SUGCT: variants seen among roughly 807,000 people sequenced by gnomAD.
The protein encoded by SUGCT is succinyl-CoA:glutarate CoA-transferase.
Under a neutral mutation model 55.0 loss-of-function variants are expected in SUGCT, and 41 were observed. The observed-to-expected ratio is 0.74, with a 90% confidence interval of 0.58 to 0.97. The LOEUF is 0.97. SUGCT is among the 50% of genes least tolerant of loss of function. SUGCT has a pLI of 0.00. For synonymous variants in SUGCT, 187 were observed against 200.4 expected (o/e 0.93, Z 0.56); for missense variants, 568 against 547.8 (o/e 1.04, Z -0.37).
chr7:40,459,082 A>G lies in SUGCT; in HGVS notation c.889-19A>G. On this transcript the variant is annotated intron_variant, in intron 10 of 13. Coordinates refer to ENST00000335693, the MANE Select transcript of SUGCT (RefSeq NM_001193313.2). ...GAACTACCTATTTCTTATACTGGAA[A>G]ATTATTTTTTTCTTTTAGATCTTGG... 1 of 1,556,134 alleles carries G rather than the reference A, an allele frequency of 6.4e-7. No individual in the cohort carries two copies. Among genetic ancestry groups the G allele is most frequent in the Non-Finnish European group, 8.8e-7 (1 of 1,130,832 alleles).
At chr7:40,670,800 A>T (rs1165804976) in intron 12 of SUGCT, among the ~76,000 whole-genome samples, 1 of 152,044 alleles carries the variant, frequency 6.6e-6, no homozygotes, top group Non-Finnish European at 1.5e-5. Context: ...CCCAAAAGAA[A>T]CCTTCAAGCC....
chr7:40,822,869 C>T (rs1792100644), intron 13 of SUGCT, among the ~76,000 whole-genome samples: 1 of 152,034 alleles, frequency 6.6e-6, no homozygotes, highest in Admixed American at 6.6e-5. Flanking sequence ...GCTAGAAACA[C>T]AAGTTAGGAA....
At chr7:40,146,825 C>A (rs1160389341) in intron 1 of SUGCT, among the ~76,000 whole-genome samples, 2 of 152,176 alleles carry the variant, frequency 1.3e-5, no homozygotes, top group Non-Finnish European at 2.9e-5. Context: ...TCCCAACAGA[C>A]AACAAGGTGG....
chr7:40,210,458 G>A (rs116565159), intron 6 of SUGCT, among the ~76,000 whole-genome samples: 2,650 of 151,444 alleles, frequency 0.017, 73 homozygotes, highest in African/African-American at 0.062. Context: ...GCATATATAT[G>A]TGTGTGTGTG....
At position 40,682,745 on chromosome 7, in the gene SUGCT, C is replaced by A. The variant is rs370737585; in HGVS notation, c.1090-66689C>A. ...CCTCCCCACCCCCCAAAAAAATCCA[C>A]CTACTTTCTCTGGGAAGAAGGAGAA... On this transcript the variant is annotated intron_variant, in intron 12 of 13. Transcript: ENST00000335693. Among the ~76,000 whole-genome samples, 273 of 150,466 alleles carry A rather than the reference C, an allele frequency of 1.8e-3. 14 individuals are homozygous for A. The South Asian group carries it at 0.056, about 31-fold the overall frequency.
intron 12 of SUGCT, among the ~76,000 whole-genome samples, chr7:40,563,504 G>C (rs1042228446): frequency 1.3e-5 from 2 of 150,358 alleles, no homozygotes; most frequent in Non-Finnish European, 2.9e-5. Context: ...CCAGGAGTTT[G>C]AGACCAGCCT....
chr7:40,324,248 A>ATATATATATATAT (rs1562681083), intron 9 of SUGCT, among the ~76,000 whole-genome samples: 17 of 111,078 alleles, frequency 1.5e-4, no homozygotes, highest in African/African-American at 5.8e-4. Context: ...TAAATAAATA[A>ATATATATATATAT]ATAAATATAT....
At chr7:40,150,347 C>G (rs1410549622) in intron 1 of SUGCT, among the ~76,000 whole-genome samples, 1 of 152,158 alleles carries the variant, frequency 6.6e-6, no homozygotes, top group East Asian at 1.9e-4. Context: ...ACTGGCTCCC[C>G]CAGTCCTCAC....
At chr7:40,952,051 G>A in the SUGCT span, among the ~76,000 whole-genome samples, 1 of 152,138 alleles carries the variant, frequency 6.6e-6, no homozygotes, top group East Asian at 1.9e-4. Context: ...TTGGCAGTGG[G>A]GTGTTAAAGT....
At chr7:40,694,176 A>G (rs1433860780) in intron 12 of SUGCT, among the ~76,000 whole-genome samples, 1 of 152,210 alleles carries the variant, frequency 6.6e-6, no homozygotes, top group Non-Finnish European at 1.5e-5. Context: ...AGTTTCTGTC[A>G]AAGGCCCCAA....
At chr7:40,385,371 G>A (rs1297069255) in intron 9 of SUGCT, among the ~76,000 whole-genome samples, 1 of 152,126 alleles carries the variant, frequency 6.6e-6, no homozygotes, top group Non-Finnish European at 1.5e-5. Flanking sequence ...GCTGTAAAAT[G>A]GGGAAAATTA....
At position 40,860,388 on chromosome 7, in the gene SUGCT, C is replaced by T. The variant is rs192063213; in HGVS notation, c.1226C>T (p.Thr409Met). 6,853 of 1,614,006 alleles carry T rather than the reference C, an allele frequency of 4.2e-3. 54 individuals carry two copies. The highest frequency in any genetic ancestry group is 4.2e-3 in the South Asian group (380 of 91,088). ...RPPPLLGQHT[T>M]HILKEVLRYD... The stretch of plus-strand genomic sequence containing the variant: ...CCCCCGCTGCTCGGGCAGCACACAA[C>T]GCACATCCTGAAGGAGGTCCTGAGA... Residue 409 changes from threonine to methionine, a missense_variant, in exon 14 of 14, where the codon ACG becomes ATG. Thr to Met is a moderately conservative substitution (Grantham distance 81). Coordinates refer to ENST00000335693, the MANE Select transcript of SUGCT (RefSeq NM_001193313.2).
intron 12 of SUGCT, among the ~76,000 whole-genome samples, chr7:40,642,712 A>G (rs975657889): frequency 6.6e-6 from 1 of 152,210 alleles, no homozygotes; most frequent in Non-Finnish European, 1.5e-5. Context: ...TTTATGATTT[A>G]CAAAAACATG....
At chr7:40,359,344 A>G (rs1798037949) in intron 9 of SUGCT, among the ~76,000 whole-genome samples, 1 of 152,138 alleles carries the variant, frequency 6.6e-6, no homozygotes, top group African/African-American at 2.4e-5. Context: ...AGCTGGGATT[A>G]CAGACATGTG....
intron 12 of SUGCT, among the ~76,000 whole-genome samples, chr7:40,742,151 G>C (rs1787493542): frequency 6.6e-6 from 1 of 152,070 alleles, no homozygotes; most frequent in African/African-American, 2.4e-5. Context: ...TTATATATGT[G>C]TTTGTGTAAA....
At chr7:40,514,680 G>A (rs1215561413) in intron 12 of SUGCT, among the ~76,000 whole-genome samples, 5 of 146,956 alleles carry the variant, frequency 3.4e-5, no homozygotes, top group Non-Finnish European at 7.4e-5. Context: ...ATTGCACTGC[G>A]GCCTGGGCAA....
chr7:40,228,511 T>TG (rs1491398725), intron 6 of SUGCT, among the ~76,000 whole-genome samples: 3 of 152,000 alleles, frequency 2.0e-5, no homozygotes, highest in African/African-American at 7.3e-5. Flanking sequence ...TGTGTGTGTG[T>TG]TTTTGTTGTT....
chr7:41,001,961 C>A, the SUGCT span, among the ~76,000 whole-genome samples: 1 of 152,176 alleles, frequency 6.6e-6, no homozygotes. Context: ...TTTGAAAAGA[C>A]AAGAGTGCAT....
At chr7:40,955,154 G>C in the SUGCT span, among the ~76,000 whole-genome samples, 1 of 152,176 alleles carries the variant, frequency 6.6e-6, no homozygotes, top group Non-Finnish European at 1.5e-5. Context: ...ATTTAAAGTA[G>C]TTTTTTCTAA....
Sources: allele counts gnomAD v4.1 joint callset (sites outside exome capture counted in the v4.1 genomes callset), GRCh38; gene constraint gnomAD v4.1.1; transcripts MANE v1.5; gene names NCBI Gene and HGNC (gene_info 2026-07-23, HGNC 2026-07-21).